The following ANKRD31 variants were observed in gnomAD, a reference collection of about 807,000 sequenced individuals.
ANKRD31 encodes ankyrin repeat domain 31, also known as ankyrin repeat domain-containing protein 31.
Under a neutral mutation model 186.0 loss-of-function variants are expected in ANKRD31, and 147 were observed. The observed-to-expected ratio is 0.79, with a 90% CI of 0.69 to 0.91. ANKRD31 has a LOEUF of 0.91. Among genes scored for constraint, ANKRD31 ranks in the 40% least tolerant of loss-of-function variants. The pLI is 0.00. For missense variants in ANKRD31, 1,986 were observed against 2,148.8 expected (o/e 0.92, Z 1.50); for synonymous variants, 673 against 736.4 (o/e 0.91, Z 1.39).
At position 75,169,069 on chromosome 5, in the gene ANKRD31, A is replaced by G; in HGVS notation, c.1617T>C (p.Ser539=). 6.5e-7 allele frequency: 1 copy of G among 1,536,988 alleles called. No individual in the cohort carries two copies. The highest frequency in any genetic ancestry group is 8.7e-7 in the Non-Finnish European group (1 of 1,146,584). The change falls in exon 11 of 26, where the codon AGT becomes AGC. Residue 539 remains serine (S), a synonymous_variant. Coordinates refer to ENST00000506364, the MANE Select transcript of ANKRD31 (RefSeq NM_001372053.1). ...ASVGGFYRTA[S]ELLKGGADVN... is the part of the protein sequence containing the mutation. ...CATCTGCTCCACCTTTTAATAGTTCACTTGCTGTCCGATAAAATCCTCCTA... is the reference window on the plus strand; with the variant it reads ...CATCTGCTCCACCTTTTAATAGTTCGCTTGCTGTCCGATAAAATCCTCCTA...
At chr5:75,229,671 C>T (rs1321545571) in intron 2 of ANKRD31, among the ~76,000 whole-genome samples, 2 of 151,926 alleles carry the variant, frequency 1.3e-5, no homozygotes, top group African/African-American at 2.4e-5. Context: ...TCAAGACCAG[C>T]CTGGCCAATA....
intron 2 of ANKRD31, among the ~76,000 whole-genome samples, chr5:75,223,609 G>T (rs1561549481): frequency 6.6e-6 from 1 of 152,070 alleles, no homozygotes. Context: ...AAGGAATATA[G>T]AAATATACCC....
rs1396481196 is a variant in ANKRD31, at chr5:75,230,532, G to C, written c.178+30C>G. The C allele has an allele frequency of 1.7e-5, 26 of 1,494,278 alleles. No homozygotes were observed. In the Admixed American group the frequency reaches 3.4e-4, roughly 20 times the overall value. 92.6% of individuals were successfully genotyped at this position (1,494,278 alleles called of 1,614,324 possible). A position where few individuals can be genotyped will look rare whatever the true frequency, so the allele number is the denominator to read the frequency against. On this transcript the variant is annotated intron_variant, in intron 2 of 25. Coordinates refer to ENST00000506364, the MANE Select transcript of ANKRD31 (RefSeq NM_001372053.1). The stretch of plus-strand genomic sequence containing the variant: ...ATGGGGACTAACTGGGAAACTAAAG[G>C]GACTACTTAATGAAAAGAATCATTC...
chr5:75,140,286 A>AAAGGAAGGAAGGAAAG, intron 15 of ANKRD31, among the ~76,000 whole-genome samples: 1 of 140,840 alleles, frequency 7.1e-6, no homozygotes, highest in Non-Finnish European at 1.6e-5. Flanking sequence ...AGAGAGAAAG[A>AAAGGAAGGAAGGAAAG]AAGGAAGGAA....
chr5:75,236,320 A>G (rs1758272890), intron 1 of ANKRD31, among the ~76,000 whole-genome samples: 1 of 152,178 alleles, frequency 6.6e-6, no homozygotes, highest in Admixed American at 6.5e-5. Context: ...AAAGCCCCCA[A>G]AAGGAAAGCC....
At chr5:75,152,565 G>A (rs1321766484) in intron 12 of ANKRD31, among the ~76,000 whole-genome samples, 1 of 151,958 alleles carries the variant, frequency 6.6e-6, no homozygotes, top group Non-Finnish European at 1.5e-5. Context: ...TAATAAATGG[G>A]AATGAAGCAC....
At chr5:75,155,747 A>G (rs1405665785) in intron 11 of ANKRD31, among the ~76,000 whole-genome samples, 1 of 152,138 alleles carries the variant, frequency 6.6e-6, no homozygotes, top group East Asian at 1.9e-4. Context: ...TTAAAAGCGT[A>G]TATATATTTC....
At position 75,230,543 on chromosome 5, in the gene ANKRD31, T is replaced by C; in HGVS notation, c.178+19A>G. On this transcript the variant is annotated intron_variant, in intron 2 of 25. Coordinates refer to ENST00000506364, the MANE Select transcript of ANKRD31 (RefSeq NM_001372053.1). ...CTGGGAAACTAAAGGGACTACTTAA[T>C]GAAAAGAATCATTCTCACCTTTGCA... The C allele has an allele frequency of 1.3e-6, 2 of 1,524,600 alleles. No individual in the cohort carries two copies. Among genetic ancestry groups the C allele is most frequent in the Non-Finnish European group, 1.8e-6 (2 of 1,136,388 alleles). 94.4% of individuals were successfully genotyped at this position (1,524,600 alleles called of 1,614,324 possible). A position where few individuals can be genotyped will look rare whatever the true frequency, so the allele number is the denominator to read the frequency against.
intron 22 of ANKRD31, among the ~76,000 whole-genome samples, chr5:75,099,392 C>A (rs1180351381): frequency 1.3e-5 from 2 of 152,114 alleles, no homozygotes; most frequent in Non-Finnish European, 2.9e-5. Flanking sequence ...CTAAAATTCT[C>A]TTTTTTTGTT....
At chr5:75,168,012 G>A (rs1453795831) in intron 11 of ANKRD31, among the ~76,000 whole-genome samples, 1 of 152,010 alleles carries the variant, frequency 6.6e-6, no homozygotes, top group Non-Finnish European at 1.5e-5. Flanking sequence ...ATCCTGGGAA[G>A]AATTCTCTCC....
intron 21 of ANKRD31, among the ~76,000 whole-genome samples, chr5:75,105,511 A>G (rs1747263794): frequency 6.6e-6 from 1 of 152,106 alleles, no homozygotes; most frequent in African/African-American, 2.4e-5. Context: ...ATTATTATCA[A>G]TTGGGAGTCA....
intron 14 of ANKRD31, 34 bp downstream of exon 14, chr5:75,145,953 G>A (rs1751400297): frequency 7.4e-7 from 1 of 1,350,056 alleles, no homozygotes; most frequent in Admixed American, 3.1e-5. Context: ...AAATCTATAG[G>A]AAATATGTAC....
At position 75,236,865 on chromosome 5, in the gene ANKRD31, C is replaced by T; in HGVS notation, c.-179G>A. 2 of 496,676 alleles carry T rather than the reference C, an allele frequency of 4.0e-6. No individual in the cohort carries two copies. Among genetic ancestry groups the T allele is most frequent in the Non-Finnish European group, 6.8e-6 (2 of 295,390 alleles). 30.8% of individuals were successfully genotyped at this position (496,676 alleles called of 1,614,324 possible). ...AGGACGCAGGCGGCCGCGAGCGCGG[C>T]GGGGTAGCAGTCTGCGAGGCGGCCC... On this transcript the variant is annotated 5_prime_UTR_variant, in exon 1 of 26. Coordinates refer to ENST00000506364, the MANE Select transcript of ANKRD31 (RefSeq NM_001372053.1).
intron 17 of ANKRD31, among the ~76,000 whole-genome samples, chr5:75,132,886 C>T (rs1749991409): frequency 6.6e-6 from 1 of 151,986 alleles, no homozygotes; most frequent in Non-Finnish European, 1.5e-5. Context: ...AAATATTCAA[C>T]CCAGAATTTC....
At position 75,146,180 on chromosome 5, in the gene ANKRD31, T is replaced by G; in HGVS notation, c.3231A>C (p.Ser1077=). Residue 1077 remains serine (S), a synonymous_variant, in exon 14 of 26, where the codon TCA becomes TCC. Coordinates refer to ENST00000506364, the MANE Select transcript of ANKRD31 (RefSeq NM_001372053.1). ...YIDRDQKIIY[S]NEPLSIVAHS... is the part of the protein sequence containing the mutation. ...GAGCAACTATGGATAAAGGCTCATT[T>G]GAATAAATTATTTTTTGGTCTCTGT... 6.5e-7 allele frequency: 1 copy of G among 1,535,746 alleles called. No homozygotes were observed. The highest frequency in any genetic ancestry group is 8.7e-7 in the Non-Finnish European group (1 of 1,146,172).
chr5:75,115,909 G>T (rs1049360097), intron 19 of ANKRD31, among the ~76,000 whole-genome samples: 1 of 152,048 alleles, frequency 6.6e-6, no homozygotes, highest in Non-Finnish European at 1.5e-5. Context: ...CCATTACTGG[G>T]TATATACCCA....
At chr5:75,083,696 C>T (rs1745261095) in intron 24 of ANKRD31, among the ~76,000 whole-genome samples, 2 of 151,594 alleles carry the variant, frequency 1.3e-5, no homozygotes. Flanking sequence ...TGCCATTGCA[C>T]TCCAGCTTGG....
At chr5:75,142,602 T>C (rs1751131356) in intron 15 of ANKRD31, among the ~76,000 whole-genome samples, 1 of 152,128 alleles carries the variant, frequency 6.6e-6, no homozygotes, top group African/African-American at 2.4e-5. Context: ...ATATCTTTCA[T>C]ATTGGTGTTT....
At chr5:75,136,194 A>G (rs2150125955) in intron 17 of ANKRD31, among the ~76,000 whole-genome samples, 1 of 152,362 alleles carries the variant, frequency 6.6e-6, no homozygotes, top group South Asian at 2.1e-4. Context: ...GCTCCTGCAC[A>G]GCAAAAGAAA....
Sources: allele counts gnomAD v4.1 joint callset (sites outside exome capture counted in the v4.1 genomes callset), GRCh38; gene constraint gnomAD v4.1.1; transcripts MANE v1.5; gene names NCBI Gene and HGNC (gene_info 2026-07-23, HGNC 2026-07-21).